Variants in CDK14 observed in about 807,000 individuals in gnomAD.
CDK14 encodes cyclin-dependent kinase 14.
Under a neutral mutation model 60.7 loss-of-function variants are expected in CDK14, and 34 were observed. That is an observed-to-expected ratio of 0.56 (90% CI 0.43 to 0.75). The LOEUF (loss-of-function observed/expected upper bound fraction) is 0.75. Ranked by LOEUF, CDK14 falls within the 30% of genes least tolerant of loss-of-function variation. The probability of loss-of-function intolerance (pLI) is 0.00; values close to 1 mark genes in which losing one functional copy is unlikely to be tolerated. For missense variants in CDK14, 482 were observed against 564.1 expected (o/e 0.85, Z 1.47); for synonymous variants, 197 against 203.7 (o/e 0.97, Z 0.28).
intron 12 of CDK14, among the ~76,000 whole-genome samples, chr7:91,097,179 G>A (rs530098227): frequency 3.0e-4 from 45 of 152,096 alleles, no homozygotes; most frequent in Non-Finnish European, 5.7e-4. Flanking sequence ...TCAGGAGTTC[G>A]AGACCAGCCT....
intron 3 of CDK14, among the ~76,000 whole-genome samples, chr7:90,742,309 G>A (rs899549377): frequency 1.3e-5 from 2 of 151,604 alleles, no homozygotes; most frequent in Admixed American, 6.6e-5. Context: ...AGTCAATTTG[G>A]GTAATTAATT....
chr7:91,183,570 AAAC>A (rs759362350), intron 14 of CDK14, among the ~76,000 whole-genome samples: 1 of 152,204 alleles, frequency 6.6e-6, no homozygotes, highest in Non-Finnish European at 1.5e-5. Context: ...TCAACCAGTC[AAAC>A]AACAAACACT....
intron 12 of CDK14, among the ~76,000 whole-genome samples, chr7:91,084,892 A>G (rs1406114199): frequency 1.3e-5 from 2 of 152,234 alleles, no homozygotes; most frequent in Non-Finnish European, 2.9e-5. Context: ...TCATTAAGGA[A>G]TAAAACCCAA....
At chr7:90,976,126 T>C (rs1329236230) in intron 9 of CDK14, among the ~76,000 whole-genome samples, 2 of 152,144 alleles carry the variant, frequency 1.3e-5, no homozygotes, top group East Asian at 3.9e-4. Context: ...CTGTTCTCCA[T>C]AGAACATTCC....
chr7:91,206,544 T>C (rs1181334376), intron 14 of CDK14, among the ~76,000 whole-genome samples: 2 of 152,182 alleles, frequency 1.3e-5, no homozygotes, highest in Non-Finnish European at 2.9e-5. Context: ...GAGTGAAGCT[T>C]CCTTCTTTTT....
intron 9 of CDK14, among the ~76,000 whole-genome samples, chr7:90,981,511 C>T (rs1003815516): frequency 6.6e-6 from 1 of 152,146 alleles, no homozygotes; most frequent in African/African-American, 2.4e-5. Context: ...AATAGGGAAG[C>T]AATTTCTGCA....
At chr7:90,784,155 C>T (rs532908077) in intron 4 of CDK14, among the ~76,000 whole-genome samples, 4 of 152,056 alleles carry the variant, frequency 2.6e-5, no homozygotes, top group South Asian at 4.1e-4. Context: ...ACATTAACTT[C>T]GTAAATAAGC....
chr7:91,107,201 C>A (rs1337688486), intron 12 of CDK14, among the ~76,000 whole-genome samples: 1 of 152,192 alleles, frequency 6.6e-6, no homozygotes, highest in African/African-American at 2.4e-5. Context: ...AAGTGTGGTA[C>A]ATTGAAGTAG....
chr7:90,922,916 C>T (rs756539729), intron 8 of CDK14, among the ~76,000 whole-genome samples: 1 of 151,934 alleles, frequency 6.6e-6, no homozygotes, highest in African/African-American at 2.4e-5. Flanking sequence ...CCTATATACC[C>T]GCTTCCCATA....
At chr7:90,686,339 T>C (rs1426585721) in intron 2 of CDK14, among the ~76,000 whole-genome samples, 1 of 152,184 alleles carries the variant, frequency 6.6e-6, no homozygotes, top group African/African-American at 2.4e-5. Flanking sequence ...GATTTTACAG[T>C]GCCTCTCAAA....
chr7:90,803,499 G>A (rs1443549466), intron 5 of CDK14, among the ~76,000 whole-genome samples: 1 of 152,142 alleles, frequency 6.6e-6, no homozygotes, highest in African/African-American at 2.4e-5. Context: ...GATGAAGGTG[G>A]GGTTAGTCAG....
chr7:90,782,342 T>C (rs1805371665), intron 4 of CDK14, among the ~76,000 whole-genome samples: 1 of 152,154 alleles, frequency 6.6e-6, no homozygotes, highest in African/African-American at 2.4e-5. Flanking sequence ...TTTCTAGATA[T>C]ACAATCATGT....
intron 2 of CDK14, among the ~76,000 whole-genome samples, chr7:90,687,613 G>A (rs1002236246): frequency 4.6e-5 from 7 of 152,060 alleles, no homozygotes; most frequent in African/African-American, 1.4e-4. Context: ...ATGGGGAAAT[G>A]GGGAAGTGAT....
At chr7:91,027,118 A>G (rs1386120198) in intron 10 of CDK14, among the ~76,000 whole-genome samples, 1 of 152,234 alleles carries the variant, frequency 6.6e-6, no homozygotes. Flanking sequence ...TGATTCATGT[A>G]TAACCCACAA....
At chr7:90,763,020 A>G (rs1804386961) in intron 4 of CDK14, among the ~76,000 whole-genome samples, 1 of 152,224 alleles carries the variant, frequency 6.6e-6, no homozygotes, top group Admixed American at 6.5e-5. Flanking sequence ...AATTTCAGAC[A>G]AAGCAAGTAC....
intron 12 of CDK14, among the ~76,000 whole-genome samples, chr7:91,085,797 A>G (rs1420831098): frequency 6.6e-6 from 1 of 152,124 alleles, no homozygotes; most frequent in Non-Finnish European, 1.5e-5. Flanking sequence ...AATTATGTAT[A>G]AGGAAGAAAT....
At chr7:90,837,578 C>T (rs1449346502) in intron 5 of CDK14, among the ~76,000 whole-genome samples, 1 of 152,126 alleles carries the variant, frequency 6.6e-6, no homozygotes, top group Non-Finnish European at 1.5e-5. Context: ...TGTCACTGCC[C>T]TCTGCTTTTA....
intron 10 of CDK14, among the ~76,000 whole-genome samples, chr7:91,001,177 A>G (rs1342451359): frequency 1.3e-5 from 2 of 152,284 alleles, no homozygotes; most frequent in East Asian, 3.9e-4. Flanking sequence ...TCCCAATGAA[A>G]TAGGCTTTTA....
intron 7 of CDK14, among the ~76,000 whole-genome samples, chr7:90,917,255 C>T (rs1438519402): frequency 1.3e-5 from 2 of 151,846 alleles, no homozygotes; most frequent in Non-Finnish European, 2.9e-5. Context: ...GAATAGATTT[C>T]CTCTCCTTTC....
Sources: gnomAD v4.1 joint callset for allele counts (sites outside exome capture counted in the v4.1 genomes callset) on GRCh38, gnomAD v4.1.1 for gene constraint, MANE v1.5 for transcripts, NCBI Gene and HGNC (gene_info 2026-07-23, HGNC 2026-07-21) for gene names.